Variants in PALS2 observed in about 807,000 individuals in gnomAD.
PALS2 encodes the protein protein associated with LIN7 2, MAGUK p55 family member, also known as protein PALS2.
A neutral mutation model predicts 61.6 loss-of-function variants in PALS2; 27 were observed. That is an observed-to-expected ratio of 0.44 (90% CI 0.32 to 0.60). The LOEUF (loss-of-function observed/expected upper bound fraction) is 0.60, where lower values mean the gene tolerates loss of function less well. Among genes scored for constraint, PALS2 ranks in the 20% least tolerant of loss-of-function variants. PALS2 has a pLI of 0.05. For synonymous variants in PALS2, 236 were observed against 218.6 expected (o/e 1.08, Z -0.70); for missense variants, 554 against 639.4 (o/e 0.87, Z 1.44).
chr7:24,661,234 G>A (rs1234054888), intron 5 of PALS2, among the ~76,000 whole-genome samples: 1 of 151,812 alleles, frequency 6.6e-6, no homozygotes, highest in Non-Finnish European at 1.5e-5. Flanking sequence ...CAAAGGTTGG[G>A]TTGATTTTTC....
At chr7:24,620,849 A>C (rs757740638) in intron 1 of PALS2, among the ~76,000 whole-genome samples, 2 of 152,160 alleles carry the variant, frequency 1.3e-5, no homozygotes, top group Non-Finnish European at 2.9e-5. Context: ...AGTATATAGG[A>C]GTGTGAAACA....
At chr7:24,624,229 A>C in intron 2 of PALS2, 1 of 891,364 alleles carries the variant, frequency 1.1e-6, no homozygotes, top group Non-Finnish European at 1.5e-6. Flanking sequence ...TGGTATTTTA[A>C]GTCTGTTTCC....
In PALS2 at chr7:24,591,205, A is replaced by G. The variant is rs574479819; in HGVS notation, c.-3+17612A>G. On this transcript the variant is annotated intron_variant, in intron 1 of 11. Coordinates refer to ENST00000222644, the MANE Select transcript of PALS2 (RefSeq NM_001303037.2). ...TTTGAGGTATACTATGTCTATTAGG[A>G]CCAACTGACCTTAGGAAAAATCAAT... Among the ~76,000 whole-genome samples, 268 of 152,220 alleles carry G rather than the reference A, an allele frequency of 1.8e-3. 1 individual carries two copies. The highest frequency in any genetic ancestry group is 6.2e-3 in the African/African-American group (259 of 41,536).
At chr7:24,587,787 C>A (rs989855265) in intron 1 of PALS2, among the ~76,000 whole-genome samples, 1 of 152,128 alleles carries the variant, frequency 6.6e-6, no homozygotes, top group African/African-American at 2.4e-5. Context: ...TAAAAGAACA[C>A]TATAGCAAAT....
chr7:24,598,771 G>C (rs963961849), intron 1 of PALS2, among the ~76,000 whole-genome samples: 4 of 152,146 alleles, frequency 2.6e-5, no homozygotes, highest in African/African-American at 9.7e-5. Context: ...TTCCATGCAA[G>C]GATTCTGTGT....
At chr7:24,612,499 A>G (rs1395765443) in intron 1 of PALS2, among the ~76,000 whole-genome samples, 2 of 151,786 alleles carry the variant, frequency 1.3e-5, no homozygotes, top group Non-Finnish European at 3.0e-5. Flanking sequence ...TTTTTTTTAA[A>G]GAATAATTTG....
chr7:24,589,487 T>A (rs1783202082), intron 1 of PALS2: 1 of 152,222 alleles, frequency 6.6e-6, no homozygotes, highest in African/African-American at 2.4e-5. Context: ...CCAGCATTAG[T>A]AAGTAAGCCT....
chr7:24,590,139 C>T lies in PALS2; in HGVS notation c.-3+16546C>T, dbSNP rs551393638. ...TCTAGTATAAAAGAATATTTAAGTG[C>T]GCACAGACTTCTTGAGGGAGGCCCA... On this transcript the variant is annotated intron_variant, in intron 1 of 11. Coordinates refer to ENST00000222644, the MANE Select transcript of PALS2 (RefSeq NM_001303037.2). Among the ~76,000 whole-genome samples, 8 of 152,238 alleles carry T rather than the reference C, an allele frequency of 5.3e-5. No individual in the cohort carries two copies. In the East Asian group the frequency reaches 5.8e-4, roughly 11 times the overall value.
intron 9 of PALS2, 96 bp from the exon 10 acceptor site, chr7:24,679,035 C>T (rs1488581643): frequency 9.7e-7 from 1 of 1,034,070 alleles, no homozygotes. Context: ...GTTTGCTGCA[C>T]CCAGTGGAAA....
chr7:24,659,035 G>C (rs576228299), intron 5 of PALS2, among the ~76,000 whole-genome samples: 1 of 152,266 alleles, frequency 6.6e-6, no homozygotes, highest in East Asian at 1.9e-4. Context: ...CCCAGGGTCT[G>C]TTGTTCCCCT....
At chr7:24,616,074 A>G (rs1262677067) in intron 1 of PALS2, among the ~76,000 whole-genome samples, 2 of 152,198 alleles carry the variant, frequency 1.3e-5, no homozygotes, top group Non-Finnish European at 2.9e-5. Context: ...ATATATGGCA[A>G]ACCCACAGCT....
At chr7:24,610,344 C>A (rs1784070228) in intron 1 of PALS2, among the ~76,000 whole-genome samples, 1 of 152,124 alleles carries the variant, frequency 6.6e-6, no homozygotes, top group African/African-American at 2.4e-5. Flanking sequence ...ATGATCTTAT[C>A]ACCAGTTTCA....
At chr7:24,664,221 T>TTTTG (rs1786899241) in intron 6 of PALS2, among the ~76,000 whole-genome samples, 1 of 152,128 alleles carries the variant, frequency 6.6e-6, no homozygotes, top group Non-Finnish European at 1.5e-5. Context: ...ACTCTATCAG[T>TTTTG]TTTGTTTGGT....
At chr7:24,585,260 G>A (rs1783015986) in intron 1 of PALS2, among the ~76,000 whole-genome samples, 1 of 151,598 alleles carries the variant, frequency 6.6e-6, no homozygotes. Flanking sequence ...GGGCAGTATG[G>A]CCATTTTGAC....
In PALS2 at chr7:24,687,641, T is replaced by C; in HGVS notation, c.*27T>C. 1 of 1,562,292 alleles carries C rather than the reference T, an allele frequency of 6.4e-7. No individual in the cohort carries two copies. Among genetic ancestry groups the C allele is most frequent in the South Asian group, 1.2e-5 (1 of 82,568 alleles). On this transcript the variant is annotated 3_prime_UTR_variant, in exon 12 of 12. Transcript: ENST00000222644. This position sits in a 1 kb window ranked among gnomAD's most constrained non-coding sequence, Gnocchi z 4.5. ...GATTCAGTAAGGTTAACAATGAAAATTAAACTCTTAAAAAGTGACTGCAAC... is the reference window on the plus strand; with the variant it reads ...GATTCAGTAAGGTTAACAATGAAAACTAAACTCTTAAAAAGTGACTGCAAC...
intron 9 of PALS2, among the ~76,000 whole-genome samples, chr7:24,677,779 C>G (rs910822661): frequency 6.6e-6 from 1 of 152,104 alleles, no homozygotes; most frequent in Admixed American, 6.5e-5. Flanking sequence ...TGAAGATTCT[C>G]AAAGATACTT....
At chr7:24,651,770 C>T (rs1288648487) in intron 5 of PALS2, among the ~76,000 whole-genome samples, 1 of 152,162 alleles carries the variant, frequency 6.6e-6, no homozygotes, top group Non-Finnish European at 1.5e-5. Flanking sequence ...AGTTTTCTTA[C>T]ATAAGATACT....
At chr7:24,641,908 T>C in intron 3 of PALS2, 40 bp downstream of exon 3, 1 of 1,578,200 alleles carries the variant, frequency 6.3e-7, no homozygotes, top group Non-Finnish European at 8.7e-7. Context: ...TTCCCTGTAT[T>C]CCCAAAGTAT....
chr7:24,662,760 C>A (rs1292027289), intron 5 of PALS2, among the ~76,000 whole-genome samples: 1 of 116,288 alleles, frequency 8.6e-6, no homozygotes, highest in African/African-American at 3.1e-5. Context: ...AAGAGTGAGA[C>A]TCCATCTGAA....
Sources: allele counts gnomAD v4.1 joint callset (sites outside exome capture counted in the v4.1 genomes callset), GRCh38; gene constraint gnomAD v4.1.1; non-coding constraint Gnocchi (gnomAD v3.1); transcripts MANE v1.5; gene names NCBI Gene and HGNC (gene_info 2026-07-23, HGNC 2026-07-21).